The following RIMS2 variants were observed in gnomAD, a reference collection of about 807,000 sequenced individuals.
The protein encoded by RIMS2 is regulating synaptic membrane exocytosis protein 2.
A neutral mutation model predicts 174.4 loss-of-function variants in RIMS2; 59 were observed. The observed-to-expected ratio is 0.34, with a 90% CI of 0.27 to 0.42. The LOEUF (loss-of-function observed/expected upper bound fraction) is 0.42. Among genes scored for constraint, RIMS2 ranks in the 10% least tolerant of loss-of-function variants. The pLI is 1.00. For missense variants in RIMS2, 1,620 were observed against 1,666.3 expected, an observed-to-expected ratio of 0.97 and a Z score of 0.48; for synonymous variants, 606 against 572.5, an observed-to-expected ratio of 1.06 and a Z score of -0.84.
At chr8:104,031,003 T>C (rs1243672697) in intron 19 of RIMS2, among the ~76,000 whole-genome samples, 2 of 152,148 alleles carry the variant, frequency 1.3e-5, no homozygotes, top group Non-Finnish European at 2.9e-5. Context: ...TGAATATATA[T>C]TTATTAAATG....
chr8:104,165,574 C>T (rs2098791917), intron 19 of RIMS2, among the ~76,000 whole-genome samples: 1 of 151,654 alleles, frequency 6.6e-6, no homozygotes, highest in Non-Finnish European at 1.5e-5. Flanking sequence ...TATGTAAATT[C>T]ATTTAGTTTT....
chr8:103,545,160 A>G (rs1436454155), intron 1 of RIMS2, among the ~76,000 whole-genome samples: 1 of 152,220 alleles, frequency 6.6e-6, no homozygotes, highest in African/African-American at 2.4e-5. Flanking sequence ...AAAACAATAC[A>G]AGAGATAAAG....
intron 19 of RIMS2, among the ~76,000 whole-genome samples, chr8:104,224,493 ATT>A (rs1476096327): frequency 1.3e-5 from 2 of 152,344 alleles, no homozygotes; most frequent in East Asian, 3.9e-4. Context: ...TGAAAATACA[ATT>A]TGTCAATCAA....
At chr8:103,981,486 A>G (rs79000472) in intron 16 of RIMS2, among the ~76,000 whole-genome samples, 3,885 of 152,184 alleles carry the variant, frequency 0.026, 146 homozygotes, top group African/African-American at 0.086. Context: ...GACACCAAAG[A>G]CCGTCTATAA....
chr8:103,693,752 G>A (rs1455987176), intron 1 of RIMS2, among the ~76,000 whole-genome samples: 1 of 152,130 alleles, frequency 6.6e-6, no homozygotes, highest in Non-Finnish European at 1.5e-5. Flanking sequence ...GGTTTGTTGG[G>A]TTAGTCTTTG....
intron 1 of RIMS2, among the ~76,000 whole-genome samples, chr8:103,642,915 G>C (rs2096258509): frequency 6.6e-6 from 1 of 151,636 alleles, no homozygotes; most frequent in African/African-American, 2.4e-5. Context: ...ATCCTGTTTG[G>C]TGTTCTCTGA....
At chr8:103,658,594 T>C (rs190920863) in intron 1 of RIMS2, among the ~76,000 whole-genome samples, 1 of 152,144 alleles carries the variant, frequency 6.6e-6, no homozygotes, top group Non-Finnish European at 1.5e-5. Context: ...GTTTAAGGAC[T>C]CCCAGTGGAG....
At chr8:103,522,360 A>G (rs527288239) in intron 1 of RIMS2, among the ~76,000 whole-genome samples, 3 of 152,248 alleles carry the variant, frequency 2.0e-5, no homozygotes, top group Admixed American at 6.5e-5. Context: ...TTGATTAACA[A>G]TTCTTCGAGG....
chr8:103,735,047 GCTACACCAACCCACAC>G (rs2097667768), intron 2 of RIMS2, among the ~76,000 whole-genome samples: 1 of 152,152 alleles, frequency 6.6e-6, no homozygotes, highest in Non-Finnish European at 1.5e-5. Flanking sequence ...TACTAACACT[GCTACACCAACCCACAC>G]TCAGTCTTTC....
At chr8:103,857,168 G>A (rs1334202741) in intron 3 of RIMS2, among the ~76,000 whole-genome samples, 3 of 152,046 alleles carry the variant, frequency 2.0e-5, no homozygotes. Context: ...CAAACTTGAT[G>A]GATAAGAAAT....
At chr8:104,089,053 C>T (rs928783783) in intron 19 of RIMS2, among the ~76,000 whole-genome samples, 4 of 151,738 alleles carry the variant, frequency 2.6e-5, no homozygotes, top group Non-Finnish European at 5.9e-5. Flanking sequence ...AAATGTTGTC[C>T]GGAAAAACTT....
At chr8:103,972,375 C>T (rs1488783024) in intron 15 of RIMS2, among the ~76,000 whole-genome samples, 2 of 152,162 alleles carry the variant, frequency 1.3e-5, no homozygotes, top group African/African-American at 2.4e-5. Context: ...AATATATCCA[C>T]TTCTATAATC....
chr8:103,753,720 G>A (rs2097927399), intron 2 of RIMS2, among the ~76,000 whole-genome samples: 1 of 152,188 alleles, frequency 6.6e-6, no homozygotes, highest in Non-Finnish European at 1.5e-5. Context: ...TTGTGTTGAA[G>A]TGTTTATAGT....
intron 3 of RIMS2, among the ~76,000 whole-genome samples, chr8:103,801,260 T>TAC (rs1193929226): frequency 6.6e-6 from 1 of 152,226 alleles, no homozygotes; most frequent in Non-Finnish European, 1.5e-5. Context: ...GTGCTGGGAT[T>TAC]ACAGGCATGG....
chr8:103,672,988 A>C (rs1161575511), intron 1 of RIMS2, among the ~76,000 whole-genome samples: 2 of 152,164 alleles, frequency 1.3e-5, no homozygotes, highest in African/African-American at 2.4e-5. Flanking sequence ...TTTTATCCCA[A>C]AAGGTAGAAA....
chr8:103,865,991 C>T (rs2099082783), intron 3 of RIMS2, among the ~76,000 whole-genome samples: 1 of 152,080 alleles, frequency 6.6e-6, no homozygotes. Context: ...ATAGATGTTG[C>T]TCTTTAGGAC....
chr8:103,544,174 C>A (rs184467217), intron 1 of RIMS2, among the ~76,000 whole-genome samples: 45 of 152,292 alleles, frequency 3.0e-4, no homozygotes, highest in Non-Finnish European at 5.0e-4. Flanking sequence ...CCAGCAGTCC[C>A]GCTTTTCTGT....
At chr8:103,967,170 GTTTTTTTTTTTTT>G (rs71575988) in intron 15 of RIMS2, among the ~76,000 whole-genome samples, 6 of 24,962 alleles carry the variant, frequency 2.4e-4, no homozygotes, top group South Asian at 2.2e-3. Flanking sequence ...ATCTGTTCTT[GTTTTTTTTTTTTT>G]TTTTTTTTTT....
In RIMS2 at chr8:103,628,741, A is replaced by G. The variant is rs567434392; in HGVS notation, c.177-68345A>G. 7.9e-5 allele frequency among the ~76,000 whole-genome samples: 11 copies of G among 138,542 alleles called. No homozygotes were observed. In the South Asian group the frequency reaches 2.6e-3, roughly 33 times the overall value. The allele number at this position is 138,542 out of a possible 152,430, so 90.9% of individuals were successfully genotyped here. ...AAGAAACCCACAACCGAGAAACATC[A>G]ACAGACCCATATTAAAAAAAAAAAA... On this transcript the variant is annotated intron_variant, in intron 1 of 23. Transcript: ENST00000504942.
Sources: gnomAD v4.1 joint callset for allele counts (sites outside exome capture counted in the v4.1 genomes callset) on GRCh38, gnomAD v4.1.1 for gene constraint, MANE v1.5 for transcripts, NCBI Gene and HGNC (gene_info 2026-07-23, HGNC 2026-07-21) for gene names.